Variants in CCDC192 observed in about 807,000 individuals in gnomAD.
The protein encoded by CCDC192 is coiled-coil domain containing 192.
chr5:127,727,299 C>A (rs1752383412), intron 2 of CCDC192, among the ~76,000 whole-genome samples: 1 of 152,028 alleles, frequency 6.6e-6, no homozygotes, highest in Admixed American at 6.5e-5. Flanking sequence ...ATGGAGAAAC[C>A]CCATCTCTAC....
intron 3 of CCDC192, among the ~76,000 whole-genome samples, chr5:127,763,936 TCTTC>T (rs2126894349): frequency 6.6e-6 from 1 of 152,282 alleles, no homozygotes; most frequent in East Asian, 1.9e-4. Context: ...ATGCACTTCT[TCTTC>T]CTTCAAGTTT....
chr5:127,774,828 G>T (rs1395349857), intron 3 of CCDC192, among the ~76,000 whole-genome samples: 3 of 152,186 alleles, frequency 2.0e-5, no homozygotes, highest in Admixed American at 1.3e-4. Context: ...CATTAAATCT[G>T]TAGGTTGCTT....
At chr5:127,719,156 C>T (rs866697083) in intron 2 of CCDC192, among the ~76,000 whole-genome samples, 1 of 152,034 alleles carries the variant, frequency 6.6e-6, no homozygotes, top group Non-Finnish European at 1.5e-5. Flanking sequence ...CAAAGTTTGT[C>T]CTTCTTGACA....
At chr5:127,907,690 G>A (rs1053321268) in intron 6 of CCDC192, among the ~76,000 whole-genome samples, 1 of 152,114 alleles carries the variant, frequency 6.6e-6, no homozygotes, top group African/African-American at 2.4e-5. Context: ...CATTATATCT[G>A]TCTGTTACCA....
chr5:127,841,744 A>C (rs1172983259), intron 5 of CCDC192, among the ~76,000 whole-genome samples: 1 of 152,098 alleles, frequency 6.6e-6, no homozygotes, highest in Non-Finnish European at 1.5e-5. Context: ...GGTGGCTCCC[A>C]TGGTCATGAG....
intron 3 of CCDC192, among the ~76,000 whole-genome samples, chr5:127,770,858 G>T (rs1445481647): frequency 6.6e-6 from 1 of 152,156 alleles, no homozygotes; most frequent in African/African-American, 2.4e-5. Flanking sequence ...GGGTTTAATT[G>T]TGCTGAACAC....
chr5:127,883,014 G>A (rs1752417936), intron 6 of CCDC192, among the ~76,000 whole-genome samples: 1 of 152,192 alleles, frequency 6.6e-6, no homozygotes, highest in Non-Finnish European at 1.5e-5. Flanking sequence ...TAACTAGTCT[G>A]GTCTTGGAAT....
At chr5:127,849,982 A>G (rs114784746) in intron 5 of CCDC192, among the ~76,000 whole-genome samples, 35 of 152,360 alleles carry the variant, frequency 2.3e-4, no homozygotes, top group African/African-American at 8.4e-4. Flanking sequence ...CAAAAGAAAT[A>G]AAAGAGGGTT....
intron 6 of CCDC192, among the ~76,000 whole-genome samples, chr5:127,902,525 C>T (rs1393269454): frequency 6.6e-6 from 1 of 152,096 alleles, no homozygotes; most frequent in East Asian, 1.9e-4. Flanking sequence ...ATCATCACCC[C>T]CGGTTTTCAC....
intron 5 of CCDC192, among the ~76,000 whole-genome samples, chr5:127,853,498 C>T (rs1348006449): frequency 1.3e-5 from 2 of 152,014 alleles, no homozygotes; most frequent in Non-Finnish European, 2.9e-5. Flanking sequence ...GGAGGCTGGG[C>T]GTGGTGGCTC....
intron 6 of CCDC192, among the ~76,000 whole-genome samples, chr5:127,914,334 G>A: frequency 6.6e-6 from 1 of 152,134 alleles, no homozygotes; most frequent in East Asian, 1.9e-4. Context: ...GGCCAAATAT[G>A]TTTCAGAATG....
Position 127,719,534 on chromosome 5 carries a change from CATATAT to C in CCDC192, c.114+11794_114+11799del, listed in dbSNP as rs1158638020. 4.6e-3 allele frequency among the ~76,000 whole-genome samples: 195 copies of C among 42,264 alleles called. 4 individuals are homozygous for C. Among genetic ancestry groups the C allele is most frequent in the African/African-American group, 0.014 (174 of 12,078 alleles). 27.7% of individuals were successfully genotyped at this position (42,264 alleles called of 152,430 possible). On this transcript the variant is annotated intron_variant, in intron 2 of 6. Coordinates refer to ENST00000514853, the MANE Select transcript of CCDC192 (RefSeq NM_001317938.2). Reference sequence around the variant, plus strand: ...ATATATATATATATATACACACATACATATATATATATATATATATATATACACACA... The same window carrying C: ...ATATATATATATATATACACACATACATATATATATATATATATACACACA...
intron 2 of CCDC192, among the ~76,000 whole-genome samples, chr5:127,729,553 A>G (rs1752522692): frequency 6.6e-6 from 1 of 152,194 alleles, no homozygotes; most frequent in Non-Finnish European, 1.5e-5. Context: ...CCATGTCAAA[A>G]CTACAGAATA....
chr5:127,857,623 G>A (rs1228384661), intron 5 of CCDC192: 1 of 152,202 alleles, frequency 6.6e-6, no homozygotes, highest in African/African-American at 2.4e-5. Flanking sequence ...CATGACTGTA[G>A]GGGCTGGCAA....
intron 5 of CCDC192, among the ~76,000 whole-genome samples, chr5:127,868,009 C>CTTTTTT (rs11440985): frequency 1.1e-4 from 15 of 133,488 alleles, no homozygotes; most frequent in Admixed American, 5.3e-4. Context: ...TTTTCTTTTT[C>CTTTTTT]TTTTTTTTTT....
intron 6 of CCDC192, among the ~76,000 whole-genome samples, chr5:127,895,076 G>C (rs1752842141): frequency 6.6e-6 from 1 of 152,124 alleles, no homozygotes; most frequent in Non-Finnish European, 1.5e-5. Context: ...GCGGTATTTT[G>C]CTGCACAGAT....
At chr5:127,754,452 T>G (rs1483049527) in intron 3 of CCDC192, 77 bp downstream of exon 3, 1 of 386,542 alleles carries the variant, frequency 2.6e-6, no homozygotes, top group Non-Finnish European at 4.5e-6. Context: ...AACACACGTT[T>G]TAACCTCTCC....
intron 6 of CCDC192, among the ~76,000 whole-genome samples, chr5:127,886,666 A>C (rs1291614256): frequency 2.0e-5 from 3 of 152,196 alleles, no homozygotes; most frequent in Admixed American, 6.5e-5. Context: ...ATTTGTGTTA[A>C]CCAGCTGTTT....
At chr5:127,880,031 G>A (rs1332505802) in intron 6 of CCDC192, among the ~76,000 whole-genome samples, 4 of 152,148 alleles carry the variant, frequency 2.6e-5, no homozygotes, top group African/African-American at 9.7e-5. Flanking sequence ...TCAGTGTGGC[G>A]ATTCCTCAGG....
Sources: allele counts gnomAD v4.1 joint callset (sites outside exome capture counted in the v4.1 genomes callset), GRCh38; gene constraint gnomAD v4.1.1; transcripts MANE v1.5; gene names NCBI Gene and HGNC (gene_info 2026-07-23, HGNC 2026-07-21).